The following ITPR3 variants were observed in gnomAD, a reference collection of about 807,000 sequenced individuals.
The protein encoded by ITPR3 is inositol 1,4,5-trisphosphate receptor type 3.
Under a neutral mutation model 293.2 loss-of-function variants are expected in ITPR3, and 173 were observed. That is an observed-to-expected ratio of 0.59 (90% CI 0.52 to 0.67). The LOEUF (loss-of-function observed/expected upper bound fraction) is 0.67. Ranked by LOEUF, ITPR3 falls within the 30% of genes least tolerant of loss-of-function variation. The pLI, the probability that ITPR3 is intolerant of heterozygous loss-of-function variation, is 0.00. For synonymous variants in ITPR3, 1,295 were observed against 1,444.4 expected (o/e 0.90, Z 2.35); for missense variants, 2,796 against 3,592.1 (o/e 0.78, Z 5.66).
At chr6:33,661,241 A>T (rs114187420) in intron 7 of ITPR3, among the ~76,000 whole-genome samples, 1 of 152,128 alleles carries the variant, frequency 6.6e-6, no homozygotes, top group Admixed American at 6.5e-5. Flanking sequence ...CTTTGTGTCT[A>T]GTGTGTGTTC....
Position 33,690,059 on chromosome 6 carries a change from T to C in ITPR3, c.6893T>C (p.Val2298Ala), listed in dbSNP as rs1765348864. 6.2e-7 allele frequency: 1 copy of C among 1,613,652 alleles called. No homozygotes were observed. Among genetic ancestry groups the C allele is most frequent in the Non-Finnish European group, 8.5e-7 (1 of 1,179,568 alleles). Residue 2298 changes from valine to alanine, a missense_variant, in exon 51 of 58, where the codon GTG becomes GCG. Around this residue, in one of 8 missense-constraint regions of ITPR3, gnomAD observed 568 missense variants for 796.1 expected, o/e 0.71. Coordinates refer to ENST00000605930, the MANE Select transcript of ITPR3 (RefSeq NM_002224.4). Reference protein sequence around the residue: ...LNLTNKIVFVVSFVGNRGTFI... With the variant: ...LNLTNKIVFVASFVGNRGTFI... The stretch of plus-strand genomic sequence containing the variant: ...CTGACCAACAAGATCGTGTTTGTGG[T>C]GAGCTTCGTGGGCAACCGTGGCACC...
At position 33,684,174 on chromosome 6, in the gene ITPR3, C is replaced by T. The variant is rs569786994; in HGVS notation, c.4937+6C>T. 20 of 1,609,464 alleles carry T rather than the reference C, an allele frequency of 1.2e-5. No homozygotes were observed. Among genetic ancestry groups the T allele is most frequent in the Middle Eastern group, 2.2e-4 (1 of 4,512 alleles). On this transcript the variant is annotated splice_donor_region_variant and intron_variant, in intron 36 of 57. Transcript: ENST00000605930. The surrounding 1 kb of genome is among the most constrained non-coding windows in gnomAD (Gnocchi z 4.2). ...AGTGGGGGCTTCCTGTCCAAGTGAG[C>T]GAGACACTGGGGCATGGGGGCAGCA... is the stretch of plus-strand genomic sequence containing the variant.
At chr6:33,690,624 C>G (rs1037357112) in intron 51 of ITPR3, among the ~76,000 whole-genome samples, 2 of 152,194 alleles carry the variant, frequency 1.3e-5, no homozygotes, top group African/African-American at 4.8e-5. Context: ...TACACTGTTT[C>G]CTGGCATGCA....
Position 33,692,636 on chromosome 6 carries a change from A to G in ITPR3, c.7459-92A>G. On this transcript the variant is annotated intron_variant, in intron 54 of 57. Transcript: ENST00000605930. This position sits in a 1 kb window ranked among gnomAD's most constrained non-coding sequence, Gnocchi z 4.2. The stretch of plus-strand genomic sequence containing the variant: ...TCCTTCTGCTAGGGGCTGGGTCCTC[A>G]ATATCACAGCCCTGGCCCCAACCTG... The G allele has an allele frequency of 7.6e-7, 1 of 1,321,220 alleles. No homozygotes were observed. Among genetic ancestry groups the G allele is most frequent in the South Asian group, 1.4e-5 (1 of 73,572 alleles). 81.8% of individuals were successfully genotyped at this position (1,321,220 alleles called of 1,614,324 possible).
rs775884452 is a variant in ITPR3, at chr6:33,655,912, A to G, written c.282+25A>G. 2.2e-5 allele frequency: 36 copies of G among 1,613,180 alleles called. No homozygotes were observed. In the Admixed American group the frequency reaches 5.8e-4, roughly 26 times the overall value. ...GGTATGTGTGTGTGTGCAGGCGTGC[A>G]TCTGTGCACATGTACCAGGAACCTG... On this transcript the variant is annotated intron_variant, in intron 3 of 57. Transcript: ENST00000605930. The surrounding 1 kb of genome is among the most constrained non-coding windows in gnomAD (Gnocchi z 4.9).
chr6:33,690,077 G>A lies in ITPR3; in HGVS notation c.6911G>A (p.Arg2304His), dbSNP rs1320318877. 5.6e-6 allele frequency: 9 copies of A among 1,614,206 alleles called. No homozygotes were observed. The highest frequency in any genetic ancestry group is 6.8e-6 in the Non-Finnish European group (8 of 1,180,050). The change falls in exon 51 of 58, where the codon CGT becomes CAT. Residue 2304 changes from arginine (R) to histidine (H), a missense_variant. Arg to His is a conservative substitution (Grantham distance 29, BLOSUM62 0). Around this residue, in one of 8 missense-constraint regions of ITPR3, gnomAD observed 568 missense variants for 796.1 expected, o/e 0.71. Transcript: ENST00000605930. ...TTTGTGGTGAGCTTCGTGGGCAACCGTGGCACCTTCATCCGGGGCTATAAG... is the reference window on the plus strand; with the variant it reads ...TTTGTGGTGAGCTTCGTGGGCAACCATGGCACCTTCATCCGGGGCTATAAG... ...IVFVVSFVGN[R>H]GTFIRGYKAM...
rs1765041699 is a variant in ITPR3 at position 33,680,461 on chromosome 6, C to A, written c.4350+7C>A. 1 of 1,612,444 alleles carries A rather than the reference C, an allele frequency of 6.2e-7. No homozygotes were observed. Among genetic ancestry groups the A allele is most frequent in the African/African-American group, 1.3e-5 (1 of 74,948 alleles). ...CACCCTGGACATGGCCCGGGTCTGT[C>A]CCTGTGAGGGGTGTGGGTGAAGCCC... On this transcript the variant is annotated splice_region_variant and intron_variant, in intron 32 of 57. Transcript: ENST00000605930.
At position 33,659,112 on chromosome 6, in the gene ITPR3, G is replaced by T; in HGVS notation, c.620G>T (p.Cys207Phe). The T allele has an allele frequency of 6.2e-7, 1 of 1,613,876 alleles. No individual in the cohort carries two copies. The highest frequency in any genetic ancestry group is 8.5e-7 in the Non-Finnish European group (1 of 1,179,938). ...SNYELSDNAGCKEVNSVNCNT... is the reference protein window; with the variant it reads ...SNYELSDNAGFKEVNSVNCNT... ...TACGAGCTCAGCGACAACGCCGGCT[G>T]CAAGGAGGTGAGGGGGTGGGGGGTC... is the stretch of plus-strand genomic sequence containing the variant. The change falls in exon 6 of 58, where the codon TGC becomes TTC. Residue 207 changes from cysteine (C) to phenylalanine (F), a missense_variant. Cys to Phe is a radical substitution (Grantham distance 205). Coordinates refer to ENST00000605930, the MANE Select transcript of ITPR3 (RefSeq NM_002224.4).
intron 33 of ITPR3, among the ~76,000 whole-genome samples, chr6:33,681,110 C>T (rs1337784942): frequency 2.0e-5 from 3 of 152,290 alleles, no homozygotes; most frequent in Admixed American, 1.3e-4. Context: ...TGAACCACCG[C>T]GCCCGGCCTA....
intron 16 of ITPR3, 140 bp from the exon 17 acceptor site, chr6:33,668,374 TC>T: frequency 8.6e-7 from 1 of 1,160,776 alleles, no homozygotes; most frequent in Non-Finnish European, 1.2e-6. Flanking sequence ...TGGGAGTCCA[TC>T]CCACCCATCT....
Position 33,695,830 on chromosome 6 carries a change from G to A in ITPR3, c.*50G>A, listed in dbSNP as rs777189592. 1.1e-5 allele frequency: 17 copies of A among 1,579,034 alleles called. No homozygotes were observed. Among genetic ancestry groups the A allele is most frequent in the South Asian group, 3.3e-5 (3 of 90,430 alleles). ...GGGGATGCTCATCACTGGAGACTGC[G>A]ACTGGGAAGAACACTGCCCCCTCCC... On this transcript the variant is annotated 3_prime_UTR_variant, in exon 58 of 58. Transcript: ENST00000605930.
chr6:33,668,003 C>T lies in ITPR3; in HGVS notation c.1886+39C>T, dbSNP rs776410623. On this transcript the variant is annotated intron_variant, in intron 16 of 57. Transcript: ENST00000605930. ...CCCTCCCCGGCCGGCGCCTGCTCCT[C>T]CCTCCTCCCTTGCCTGGGTAGAAAC... The T allele has an allele frequency of 3.7e-6, 6 of 1,607,110 alleles. No individual in the cohort carries two copies. In the Admixed American group the frequency reaches 8.4e-5, roughly 22 times the overall value.
intron 1 of ITPR3, among the ~76,000 whole-genome samples, chr6:33,634,119 C>T (rs1763760184): frequency 6.6e-6 from 1 of 152,162 alleles, no homozygotes; most frequent in African/African-American, 2.4e-5. Context: ...TCCCCTGTCG[C>T]CAGAGATCAC....
At chr6:33,681,601 C>T (rs1765079124) in intron 33 of ITPR3, among the ~76,000 whole-genome samples, 1 of 152,044 alleles carries the variant, frequency 6.6e-6, no homozygotes, top group Non-Finnish European at 1.5e-5. Flanking sequence ...GGCCCTGCTA[C>T]ATGACCGAAA....
chr6:33,641,233 ATTG>A (rs937480031), intron 2 of ITPR3, among the ~76,000 whole-genome samples: 19 of 152,226 alleles, frequency 1.2e-4, no homozygotes, highest in Middle Eastern at 6.8e-3. Context: ...GTGAGGTGCT[ATTG>A]TTGTGCTTAC....
At position 33,693,570 on chromosome 6, in the gene ITPR3, C is replaced by T. The variant is rs770448411; in HGVS notation, c.7650C>T (p.Asn2550=). Residue 2550 remains asparagine, a synonymous_variant, in exon 56 of 58, where the codon AAC becomes AAT. Transcript: ENST00000605930. ...GTCTGGAGAGGGACAAGTTTGATAA[C>T]AAGACAGTGTCATTTGAGGAACACA... ...ICGLERDKFD[N]KTVSFEEHIK... The T allele has an allele frequency of 6.2e-7, 1 of 1,614,142 alleles. No individual in the cohort carries two copies. Among genetic ancestry groups the T allele is most frequent in the Non-Finnish European group, 8.5e-7 (1 of 1,180,014 alleles).
At chr6:33,671,063 C>T (rs1764747939) in intron 20 of ITPR3, 102 bp from the exon 21 acceptor site, 1 of 1,545,268 alleles carries the variant, frequency 6.5e-7, no homozygotes, top group Admixed American at 1.8e-5. Context: ...CCTCATGACG[C>T]CCCTTTCGCC....
intron 33 of ITPR3, among the ~76,000 whole-genome samples, chr6:33,681,647 C>G (rs1370138797): frequency 1.3e-5 from 2 of 152,052 alleles, no homozygotes; most frequent in Non-Finnish European, 2.9e-5. Flanking sequence ...AAGAAACCCA[C>G]AAAAGGGGCT....
Position 33,692,945 on chromosome 6 carries a change from C to T in ITPR3, c.7624+52C>T, listed in dbSNP as rs1169027184. On this transcript the variant is annotated intron_variant, in intron 55 of 57. Transcript: ENST00000605930. The surrounding 1 kb of genome is among the most constrained non-coding windows in gnomAD (Gnocchi z 4.2). Reference sequence around the variant, plus strand: ...GGCCGCAGCGGGGCTGGAACGTCATCTGATGCCAGTGGCAGTAGCGGTTTG... The same window carrying T: ...GGCCGCAGCGGGGCTGGAACGTCATTTGATGCCAGTGGCAGTAGCGGTTTG... 3.1e-6 allele frequency: 5 copies of T among 1,588,630 alleles called. No individual in the cohort carries two copies. In the African/African-American group the frequency reaches 6.7e-5, roughly 21 times the overall value.
Sources: gnomAD v4.1 joint callset for allele counts (sites outside exome capture counted in the v4.1 genomes callset) on GRCh38, gnomAD v4.1.1 for gene constraint, gnomAD v4.1.1 regional missense constraint, Gnocchi (gnomAD v3.1) non-coding constraint, MANE v1.5 for transcripts, NCBI Gene and HGNC (gene_info 2026-07-23, HGNC 2026-07-21) for gene names.